GLRB: variants seen among roughly 807,000 people sequenced by gnomAD.
The protein encoded by GLRB is glycine receptor beta.
GLRB carries 33 observed loss-of-function variants against 54.2 expected under a neutral mutation model. That is an observed-to-expected ratio of 0.61 (90% CI 0.46 to 0.81). The LOEUF (loss-of-function observed/expected upper bound fraction) is 0.81. GLRB is among the 40% of genes least tolerant of loss of function. GLRB has a pLI of 0.00. For synonymous variants in GLRB, 209 were observed against 208.2 expected, an observed-to-expected ratio of 1.00 and a Z score of -0.03; for missense variants, 572 against 584.6, an observed-to-expected ratio of 0.98 and a Z score of 0.22.
chr4:157,092,505 T>A (rs146668777), intron 2 of GLRB, among the ~76,000 whole-genome samples: 288 of 151,574 alleles, frequency 1.9e-3, no homozygotes, highest in Non-Finnish European at 3.4e-3. Context: ...CTCGTTTTTA[T>A]TTTTTTGACC....
chr4:157,138,004 A>G (rs982305491), intron 6 of GLRB, among the ~76,000 whole-genome samples: 2 of 152,036 alleles, frequency 1.3e-5, no homozygotes, highest in African/African-American at 4.8e-5. Context: ...TGTCCCTTTG[A>G]GGGATTATTT....
At chr4:157,167,749 A>C (rs930422460) in intron 9 of GLRB, among the ~76,000 whole-genome samples, 2 of 152,174 alleles carry the variant, frequency 1.3e-5, no homozygotes, top group Non-Finnish European at 2.9e-5. Flanking sequence ...ATTTATAAGA[A>C]AATGGGTTTA....
chr4:157,085,444 G>T (rs896906768), intron 2 of GLRB, among the ~76,000 whole-genome samples: 1 of 151,936 alleles, frequency 6.6e-6, no homozygotes, highest in African/African-American at 2.4e-5. Context: ...TATCTTCCTA[G>T]TTATTCACCC....
At chr4:157,099,991 T>C (rs1734958041) in intron 2 of GLRB, among the ~76,000 whole-genome samples, 1 of 152,240 alleles carries the variant, frequency 6.6e-6, no homozygotes, top group African/African-American at 2.4e-5. Flanking sequence ...TAAAAAATGT[T>C]GATTTTCTTA....
chr4:157,161,238 T>C lies in GLRB; in HGVS notation c.1197+8228T>C, dbSNP rs1737475621. Among the ~76,000 whole-genome samples the C allele has an allele frequency of 2.0e-5, 3 of 152,226 alleles. No homozygotes were observed. In the South Asian group the frequency reaches 6.2e-4, roughly 31 times the overall value. On this transcript the variant is annotated intron_variant, in intron 9 of 9. Transcript: ENST00000264428. ...CCTATGTGTGTCTCTGCACATGAGA[T>C]GGGTCTCCTGAATACAGCACACTGA...
rs565603197 is a variant in GLRB, at chr4:157,126,205, GA to G, written c.297+3814del. ...AGGAAATTTTAACCAATTCTATTTG[GA>G]AAAAATTTGTTTTTGCTTTTTTTCT... On this transcript the variant is annotated intron_variant, in intron 4 of 9. Coordinates refer to ENST00000264428, the MANE Select transcript of GLRB (RefSeq NM_000824.5). Among the ~76,000 whole-genome samples, 22 of 151,934 alleles carry G rather than the reference GA, an allele frequency of 1.4e-4. No individual in the cohort carries two copies. In the East Asian group the frequency reaches 3.5e-3, roughly 24 times the overall value.
chr4:157,132,674 C>T (rs916796508), intron 4 of GLRB, among the ~76,000 whole-genome samples: 6 of 151,864 alleles, frequency 4.0e-5, no homozygotes, highest in African/African-American at 1.4e-4. Context: ...ATATGGACCC[C>T]ATGTTCTTAT....
At chr4:157,089,722 A>G (rs898410724) in intron 2 of GLRB, among the ~76,000 whole-genome samples, 1 of 152,150 alleles carries the variant, frequency 6.6e-6, no homozygotes. Flanking sequence ...GGTAATATCT[A>G]TTGGTATCTA....
chr4:157,079,958 T>A (rs1269993787), intron 2 of GLRB, among the ~76,000 whole-genome samples: 1 of 152,126 alleles, frequency 6.6e-6, no homozygotes, highest in African/African-American at 2.4e-5. Context: ...CTGATAAGGC[T>A]CCTGTTCTCC....
chr4:157,146,790 C>T (rs568395235), intron 8 of GLRB, among the ~76,000 whole-genome samples: 24 of 151,926 alleles, frequency 1.6e-4, no homozygotes, highest in Admixed American at 4.6e-4. Context: ...TACTGCACTC[C>T]AGCCTGGGCA....
At chr4:157,134,238 A>T (rs1194122537) in intron 4 of GLRB, among the ~76,000 whole-genome samples, 1 of 152,018 alleles carries the variant, frequency 6.6e-6, no homozygotes, top group East Asian at 1.9e-4. Context: ...ATTCCAAAAG[A>T]TATTTGTTTT....
chr4:157,137,000 T>C, intron 6 of GLRB, 114 bp downstream of exon 6: 1 of 688,244 alleles, frequency 1.5e-6, no homozygotes, highest in Non-Finnish European at 2.6e-6. Context: ...TGATTATAAA[T>C]AGTCATTAAA....
chr4:157,157,166 C>T (rs928073832), intron 9 of GLRB, among the ~76,000 whole-genome samples: 2 of 152,088 alleles, frequency 1.3e-5, no homozygotes, highest in Non-Finnish European at 2.9e-5. Flanking sequence ...ATCACCTCAG[C>T]GTGGAAGAGG....
At chr4:157,091,746 G>A (rs1417044981) in intron 2 of GLRB, among the ~76,000 whole-genome samples, 4 of 152,032 alleles carry the variant, frequency 2.6e-5, no homozygotes, top group Non-Finnish European at 4.4e-5. Context: ...TTTCAATTCT[G>A]CTCTGCACTT....
At chr4:157,132,140 T>G (rs1297371167) in intron 4 of GLRB, among the ~76,000 whole-genome samples, 1 of 151,904 alleles carries the variant, frequency 6.6e-6, no homozygotes, top group East Asian at 1.9e-4. Flanking sequence ...TTAATTTGCA[T>G]TTCCCTGATG....
At chr4:157,107,184 A>G (rs1735257579) in intron 2 of GLRB, among the ~76,000 whole-genome samples, 1 of 151,952 alleles carries the variant, frequency 6.6e-6, no homozygotes, top group Non-Finnish European at 1.5e-5. Flanking sequence ...CCCTCTCCTC[A>G]AGCCTTCTTA....
chr4:157,122,097 A>T (rs994410161), intron 3 of GLRB, among the ~76,000 whole-genome samples: 1 of 151,066 alleles, frequency 6.6e-6, no homozygotes, highest in Non-Finnish European at 1.5e-5. Flanking sequence ...TTCCTGAAAA[A>T]AAAAAAACAT....
intron 9 of GLRB, among the ~76,000 whole-genome samples, chr4:157,156,470 T>C (rs1026856339): frequency 6.6e-6 from 1 of 152,140 alleles, no homozygotes; most frequent in African/African-American, 2.4e-5. Context: ...AGGTACACAG[T>C]CACATCATTG....
Position 157,121,956 on chromosome 4 carries a change from G to T in GLRB, c.230-374G>T, listed in dbSNP as rs1276516479. On this transcript the variant is annotated intron_variant, in intron 3 of 9. Transcript: ENST00000264428. ...ACTGATTAGAAAAATGCAAAAAAAT[G>T]AAACCCTGTTTTCAAAATGATTCTT... Among the ~76,000 whole-genome samples, 3 of 151,210 alleles carry T rather than the reference G, an allele frequency of 2.0e-5. No homozygotes were observed. The South Asian group carries it at 6.2e-4, about 31-fold the overall frequency.
Sources: gnomAD v4.1 joint callset for allele counts (sites outside exome capture counted in the v4.1 genomes callset) on GRCh38, gnomAD v4.1.1 for gene constraint, MANE v1.5 for transcripts, NCBI Gene and HGNC (gene_info 2026-07-23, HGNC 2026-07-21) for gene names.